The following MTSS2 variants were observed in gnomAD, a reference collection of about 807,000 sequenced individuals.
MTSS2 encodes the protein protein MTSS 2.
MTSS2 carries 27 observed loss-of-function variants against 67.1 expected under a neutral mutation model. That is an observed-to-expected ratio of 0.40 (90% CI 0.30 to 0.55). The LOEUF is 0.55. Ranked by LOEUF, MTSS2 falls within the 20% of genes least tolerant of loss-of-function variation. The pLI is 0.43. For missense variants in MTSS2, 1,171 were observed against 1,067.8 expected, an observed-to-expected ratio of 1.10 and a Z score of -1.35; for synonymous variants, 624 against 468.6, an observed-to-expected ratio of 1.33 and a Z score of -4.28.
At chr16:70,670,894 C>T (rs1027234091) in intron 11 of MTSS2, among the ~76,000 whole-genome samples, 1 of 146,328 alleles carries the variant, frequency 6.8e-6, no homozygotes, top group Non-Finnish European at 1.5e-5. Context: ...TGCTTGAACC[C>T]AGGAGTTTGA....
rs2053168689 is a variant in MTSS2, at chr16:70,677,802, G to A, written c.722C>T (p.Ala241Val). The A allele has an allele frequency of 5.0e-6, 8 of 1,609,688 alleles. No homozygotes were observed. The highest frequency in any genetic ancestry group is 6.8e-6 in the Non-Finnish European group (8 of 1,178,642). Residue 241 changes from alanine (A) to valine (V), a missense_variant, in exon 9 of 15, where the codon GCC becomes GTC. By Grantham distance (64) the Ala-to-Val change is moderately conservative (BLOSUM62 0). This residue lies in a region of MTSS2 where 924 missense variants were observed against 756.0 expected (regional missense o/e 1.22). Transcript: ENST00000338779. ...LTAEPHKLPPASEQVIKDLKG... is the reference protein window; with the variant it reads ...LTAEPHKLPPVSEQVIKDLKG... ...AGAGGGCTCCCGCACCTGCTCGCTG[G>A]CGGGAGGCAGTTTGTGGGGTTCTGC...
In MTSS2 at chr16:70,685,768, G is replaced by A. The variant is rs2053438443; in HGVS notation, c.24C>T (p.Cys8=). The change falls in exon 1 of 15, where the codon TGC becomes TGT. Residue 8 remains cysteine (C), a synonymous_variant. Transcript: ENST00000338779. ...CCTGGAAGAGCCCGCCCAGGGCGCC[G>A]CACTCCTTCTCCGCCGTCTCCATGC... The part of the protein sequence containing the change: METAEKE[C]GALGGLFQAI... The A allele has an allele frequency of 2.2e-6, 3 of 1,386,128 alleles. No homozygotes were observed. The highest frequency in any genetic ancestry group is 1.3e-5 in the South Asian group (1 of 75,604). The allele number at this position is 1,386,128 out of a possible 1,614,324, so 85.9% of individuals were successfully genotyped here. A position where few individuals can be genotyped will look rare whatever the true frequency, so the allele number is the denominator to read the frequency against.
Position 70,685,846 on chromosome 16 carries a change from G to T in MTSS2, c.-55C>A. On this transcript the variant is annotated 5_prime_UTR_variant, in exon 1 of 15. It adds an upstream start codon to the 5' untranslated region. Transcript: ENST00000338779. ...CTAGGCGCACGGAGCGCGGGGAGCA[G>T]CGCAAGGGAGGGGGCCAGGCCGCGC... The T allele has an allele frequency of 1.8e-6, 2 of 1,090,786 alleles. No homozygotes were observed. Among genetic ancestry groups the T allele is most frequent in the Non-Finnish European group, 2.3e-6 (2 of 882,432 alleles). The allele number at this position is 1,090,786 out of a possible 1,614,324, so 67.6% of individuals were successfully genotyped here.
Position 70,674,551 on chromosome 16 carries a change from C to T in MTSS2, c.831-23G>A, listed in dbSNP as rs763758941. On this transcript the variant is annotated intron_variant, in intron 10 of 14. Transcript: ENST00000338779. ...GCACTAGGGGAGTGAAGGAAGAGGG[C>T]ACAGCAGCCAGACAGGGAGACAGAG... 33 of 1,603,258 alleles carry T rather than the reference C, an allele frequency of 2.1e-5. No individual in the cohort carries two copies. The South Asian group carries it at 3.4e-4, about 17-fold the overall frequency.
Position 70,663,606 on chromosome 16 carries a change from G to T in MTSS2, c.*71C>A. 1 of 1,468,672 alleles carries T rather than the reference G, an allele frequency of 6.8e-7. No homozygotes were observed. Among genetic ancestry groups the T allele is most frequent in the South Asian group, 1.4e-5 (1 of 70,038 alleles). 91.0% of individuals were successfully genotyped at this position (1,468,672 alleles called of 1,614,324 possible). A position where few individuals can be genotyped will look rare whatever the true frequency, so the allele number is the denominator to read the frequency against. Reference sequence around the variant, plus strand: ...TCTCTCCTGGCTGGGCCTTTGCTCTGAGTGCCTGCGGCTCACAGACCAGGC... The same window carrying T: ...TCTCTCCTGGCTGGGCCTTTGCTCTTAGTGCCTGCGGCTCACAGACCAGGC... On this transcript the variant is annotated 3_prime_UTR_variant, in exon 15 of 15. Transcript: ENST00000338779.
chr16:70,668,213 G>C (rs1347990876), intron 11 of MTSS2, among the ~76,000 whole-genome samples: 2 of 151,968 alleles, frequency 1.3e-5, no homozygotes, highest in South Asian at 2.1e-4. Context: ...AGGAGTTTGA[G>C]ACCAGCCTGG....
intron 6 of MTSS2, 104 bp from the exon 7 acceptor site, chr16:70,679,427 C>A: frequency 7.1e-7 from 1 of 1,401,338 alleles, no homozygotes; most frequent in Non-Finnish European, 1.0e-6. Flanking sequence ...GTGCCTGGGC[C>A]TCCTGCTGCC....
In MTSS2 at chr16:70,663,742, T is replaced by C. The variant is rs1480771962; in HGVS notation, c.2179A>G (p.Ile727Val). The change falls in exon 15 of 15, where the codon ATC (isoleucine) becomes GTC (valine). Residue 727 changes from isoleucine to valine, a missense_variant. Coordinates refer to ENST00000338779, the MANE Select transcript of MTSS2 (RefSeq NM_138383.3). ...CTGCGGAGCCGGACCCCACGCCGGA[T>C]GGCCACCAGCATGTCTTCGGCCGGG... is the stretch of plus-strand genomic sequence containing the variant. ...DPPAEDMLVA[I>V]RRGVRLRRTV... 5 of 1,574,526 alleles carry C rather than the reference T, an allele frequency of 3.2e-6. No individual in the cohort carries two copies. Among genetic ancestry groups the C allele is most frequent in the Non-Finnish European group, 4.3e-6 (5 of 1,163,082 alleles).
At position 70,661,716 on chromosome 16, in the gene MTSS2, C is replaced by T. The variant is rs1054127781; in HGVS notation, c.*1961G>A. The T allele has an allele frequency of 6.2e-5, 14 of 227,198 alleles. No homozygotes were observed. The highest frequency in any genetic ancestry group is 1.7e-4 in the African/African-American group (7 of 42,406). The allele number at this position is 227,198 out of a possible 1,614,324, so 14.1% of individuals were successfully genotyped here. A position where few individuals can be genotyped will look rare whatever the true frequency, so the allele number is the denominator to read the frequency against. ...CCCCGGGGCTCACAGGGGAGGGGGA[C>T]GGCGGAGTCGGTGGGGGCTGTGCCA... On this transcript the variant is annotated 3_prime_UTR_variant, in exon 15 of 15. Coordinates refer to ENST00000338779, the MANE Select transcript of MTSS2 (RefSeq NM_138383.3).
Position 70,662,391 on chromosome 16 carries a change from G to C in MTSS2, c.*1286C>G, listed in dbSNP as rs968894722. 6.6e-6 allele frequency: 1 copy of C among 152,300 alleles called. No homozygotes were observed. Among genetic ancestry groups the C allele is most frequent in the South Asian group, 2.1e-4 (1 of 4,840 alleles). The allele number at this position is 152,300 out of a possible 1,614,324, so 9.4% of individuals were successfully genotyped here. A position where few individuals can be genotyped will look rare whatever the true frequency, so the allele number is the denominator to read the frequency against. On this transcript the variant is annotated 3_prime_UTR_variant, in exon 15 of 15. Coordinates refer to ENST00000338779, the MANE Select transcript of MTSS2 (RefSeq NM_138383.3). ...TGGTGCGTGGGGTGGGGGCAGCCTTGCCCCTCCCCTTGCCCCCGCTGCCAC... is the reference window on the plus strand; with the variant it reads ...TGGTGCGTGGGGTGGGGGCAGCCTTCCCCCTCCCCTTGCCCCCGCTGCCAC...
intron 11 of MTSS2, among the ~76,000 whole-genome samples, chr16:70,666,433 G>GC (rs2052717568): frequency 6.6e-6 from 1 of 152,202 alleles, no homozygotes; most frequent in African/African-American, 2.4e-5. Flanking sequence ...GTAGACACAG[G>GC]CCCATGAAAT....
chr16:70,674,624 G>C, intron 10 of MTSS2, 96 bp from the exon 11 acceptor site: 1 of 1,057,542 alleles, frequency 9.5e-7, no homozygotes, highest in African/African-American at 1.6e-5. Context: ...GGAAAGAGGT[G>C]AGGGGCAAAG....
intron 11 of MTSS2, 92 bp downstream of exon 11, chr16:70,674,211 TCTC>T: frequency 3.6e-6 from 4 of 1,113,036 alleles, no homozygotes; most frequent in Non-Finnish European, 5.2e-6. Flanking sequence ...GCTATAGTAG[TCTC>T]AACAGCTATA....
At position 70,661,653 on chromosome 16, in the gene MTSS2, C is replaced by T. The variant is rs1306064469; in HGVS notation, c.*2024G>A. ...GACGCAAGGGCGGCGGGGGTGGTCT[C>T]AGGGATGGACAAGGGGATGGAGTAG... On this transcript the variant is annotated 3_prime_UTR_variant, in exon 15 of 15. Transcript: ENST00000338779. The T allele has an allele frequency of 6.0e-6, 2 of 334,338 alleles. No homozygotes were observed. The highest frequency in any genetic ancestry group is 8.6e-5 in the East Asian group (1 of 11,612). The allele number at this position is 334,338 out of a possible 1,614,324, so 20.7% of individuals were successfully genotyped here. A position where few individuals can be genotyped will look rare whatever the true frequency, so the allele number is the denominator to read the frequency against.
chr16:70,669,898 C>T (rs2052867129), intron 11 of MTSS2, among the ~76,000 whole-genome samples: 1 of 151,846 alleles, frequency 6.6e-6, no homozygotes, highest in Non-Finnish European at 1.5e-5. Flanking sequence ...ACTACTATTA[C>T]TCTGCACCCA....
intron 10 of MTSS2, among the ~76,000 whole-genome samples, 164 bp downstream of exon 10, chr16:70,676,717 T>C (rs1160321578): frequency 6.6e-6 from 1 of 152,216 alleles, no homozygotes; most frequent in East Asian, 1.9e-4. Flanking sequence ...AGTCTTGGGA[T>C]GACAGGGCAC....
intron 11 of MTSS2, among the ~76,000 whole-genome samples, chr16:70,667,508 G>A (rs7195572): frequency 0.44 from 67,145 of 151,812 alleles, 15,175 homozygotes; most frequent in Non-Finnish European, 0.5. Flanking sequence ...TGTAATTTAC[G>A]ATAACATCAA....
Position 70,664,722 on chromosome 16 carries a change from C to G in MTSS2, c.1347G>C (p.Met449Ile). The G allele has an allele frequency of 6.2e-7, 1 of 1,613,086 alleles. No homozygotes were observed. Among genetic ancestry groups the G allele is most frequent in the Non-Finnish European group, 8.5e-7 (1 of 1,179,796 alleles). The change falls in exon 14 of 15, where the codon ATG becomes ATC. Residue 449 changes from methionine to isoleucine, a missense_variant. Transcript: ENST00000338779. ...CCAGGCTCAGGCCCCGCGTCAGCAC[C>G]ATGGCCAGGTCACTGGCGGCGGGGG... ...EVSPAASDLAMVLTRGLSLEH... is the reference protein window; with the variant it reads ...EVSPAASDLAIVLTRGLSLEH...
chr16:70,669,997 G>A (rs1423228243), intron 11 of MTSS2, among the ~76,000 whole-genome samples: 2 of 151,766 alleles, frequency 1.3e-5, no homozygotes, highest in South Asian at 2.1e-4. Flanking sequence ...TTGGCCAGGT[G>A]TGGTGGCTCA....
Sources: allele counts gnomAD v4.1 joint callset (sites outside exome capture counted in the v4.1 genomes callset), GRCh38; gene constraint gnomAD v4.1.1; regional missense constraint gnomAD v4.1.1; transcripts MANE v1.5; gene names NCBI Gene and HGNC (gene_info 2026-07-23, HGNC 2026-07-21).